The following CDK19 variants were observed in gnomAD, a reference collection of about 807,000 sequenced individuals.
CDK19 encodes the protein cyclin-dependent kinase 19.
In CDK19, 20 loss-of-function variants were observed where a neutral mutation model predicts 68.3. The ratio of observed to expected loss-of-function variants is 0.29; its 90% CI spans 0.21 to 0.43. CDK19 has a LOEUF of 0.43. Among genes scored for constraint, CDK19 ranks in the 20% least tolerant of loss-of-function variants. The pLI, the probability that CDK19 is intolerant of heterozygous loss-of-function variation, is 1.00. For missense variants in CDK19, 339 were observed against 623.5 expected (o/e 0.54, Z 4.86); for synonymous variants, 221 against 222.8 (o/e 0.99, Z 0.07).
chr6:110,791,941 C>G (rs778973868), intron 1 of CDK19, among the ~76,000 whole-genome samples: 27 of 151,402 alleles, frequency 1.8e-4, no homozygotes, highest in Non-Finnish European at 3.2e-4. Flanking sequence ...CCACCAAGCC[C>G]AGCCACCCAG....
chr6:110,729,226 C>T (rs1259735558), intron 2 of CDK19, among the ~76,000 whole-genome samples: 1 of 151,990 alleles, frequency 6.6e-6, no homozygotes, highest in Non-Finnish European at 1.5e-5. Context: ...TGCTTTTTAC[C>T]GTTAACTGAA....
intron 5 of CDK19, 88 bp downstream of exon 5, chr6:110,638,561 A>G: frequency 2.8e-6 from 2 of 716,554 alleles, no homozygotes; most frequent in Non-Finnish European, 5.0e-6. Context: ...TTTAAAATTA[A>G]CTACCTAAAT....
intron 2 of CDK19, among the ~76,000 whole-genome samples, chr6:110,704,144 A>G (rs558147734): frequency 1.3e-5 from 2 of 152,310 alleles, no homozygotes; most frequent in African/African-American, 4.8e-5. Flanking sequence ...CTATTGCCCA[A>G]TCTCCTGTTT....
chr6:110,778,039 G>A (rs1047609830), intron 1 of CDK19, among the ~76,000 whole-genome samples: 3 of 152,150 alleles, frequency 2.0e-5, no homozygotes, highest in African/African-American at 7.2e-5. Flanking sequence ...TAAGATGAAA[G>A]AGGTCTGTGG....
chr6:110,752,347 CCATTT>C (rs1187975651), intron 1 of CDK19, among the ~76,000 whole-genome samples: 1 of 152,166 alleles, frequency 6.6e-6, no homozygotes, highest in East Asian at 1.9e-4. Context: ...AGACATCTTT[CCATTT>C]CATTTATAAA....
At chr6:110,666,316 A>G (rs1351923712) in intron 4 of CDK19, among the ~76,000 whole-genome samples, 1 of 146,608 alleles carries the variant, frequency 6.8e-6, no homozygotes, top group African/African-American at 2.5e-5. Context: ...ATCCCAGTTA[A>G]TTGGGAGACT....
chr6:110,715,760 T>C (rs907578975), intron 2 of CDK19, among the ~76,000 whole-genome samples: 5 of 152,248 alleles, frequency 3.3e-5, no homozygotes, highest in Non-Finnish European at 5.9e-5. Flanking sequence ...GTGCTGGGAT[T>C]ACAGGCGTGA....
intron 4 of CDK19, among the ~76,000 whole-genome samples, chr6:110,666,427 A>AC: frequency 1.2e-5 from 1 of 82,434 alleles, no homozygotes; most frequent in Middle Eastern, 4.9e-3. Context: ...TCTGTCTCAA[A>AC]AAAAAAAAAA....
chr6:110,716,633 G>C (rs940635532), intron 2 of CDK19, among the ~76,000 whole-genome samples: 11 of 152,028 alleles, frequency 7.2e-5, no homozygotes, highest in Non-Finnish European at 1.2e-4. Context: ...ATAGTCCCAG[G>C]CTTTGAAAAA....
chr6:110,652,793 G>T lies in CDK19; in HGVS notation c.457-14087C>A, dbSNP rs143010987. 2.1e-3 allele frequency among the ~76,000 whole-genome samples: 319 copies of T among 152,336 alleles called. 2 individuals are homozygous for T. The highest frequency in any genetic ancestry group is 7.4e-3 in the African/African-American group (308 of 41,584). ...GGAGGAATATCTCTTTTCTAGTACT[G>T]AAGTTAGTAGAGAATACCTTTGATT... On this transcript the variant is annotated intron_variant, in intron 4 of 12. Transcript: ENST00000368911.
Position 110,621,644 on chromosome 6 carries a change from C to T in CDK19, c.1111-274G>A, listed in dbSNP as rs183962316. Among the ~76,000 whole-genome samples the T allele has an allele frequency of 3.9e-5, 6 of 152,316 alleles. No individual in the cohort carries two copies. Among genetic ancestry groups the T allele is most frequent in the Admixed American group, 3.9e-4 (6 of 15,300 alleles). On this transcript the variant is annotated intron_variant, in intron 11 of 12. Coordinates refer to ENST00000368911, the MANE Select transcript of CDK19 (RefSeq NM_015076.5). This position sits in a 1 kb window ranked among gnomAD's most constrained non-coding sequence, Gnocchi z 5.4. ...GTCACAGACATCTCACTGAAGGCCA[C>T]AGGCACATTAGAAATACATTTCTTA...
At chr6:110,795,429 A>G (rs978219357) in intron 1 of CDK19, among the ~76,000 whole-genome samples, 4 of 152,242 alleles carry the variant, frequency 2.6e-5, no homozygotes, top group African/African-American at 9.6e-5. Context: ...TTTAGCTCAG[A>G]TGTAGGAAAA....
At chr6:110,657,904 A>C (rs187093031) in intron 4 of CDK19, among the ~76,000 whole-genome samples, 2 of 152,306 alleles carry the variant, frequency 1.3e-5, no homozygotes, top group African/African-American at 4.8e-5. Flanking sequence ...ACTATGGAAT[A>C]ACTGGTGAAG....
chr6:110,704,251 A>C (rs763411695), intron 2 of CDK19, among the ~76,000 whole-genome samples: 8 of 152,232 alleles, frequency 5.3e-5, no homozygotes, highest in African/African-American at 1.2e-4. Context: ...GTATGAAATC[A>C]AAAGACTTTA....
intron 2 of CDK19, among the ~76,000 whole-genome samples, chr6:110,699,243 G>A (rs1281343498): frequency 6.6e-6 from 1 of 151,768 alleles, no homozygotes; most frequent in Non-Finnish European, 1.5e-5. Flanking sequence ...TCGACAACAT[G>A]GTGAAACCCT....
At chr6:110,735,926 C>G (rs9400411) in intron 2 of CDK19, among the ~76,000 whole-genome samples, 23,476 of 152,140 alleles carry the variant, frequency 0.15, 2,029 homozygotes, top group East Asian at 0.32. Flanking sequence ...TGAGAATGAC[C>G]GGAAAGTTCA....
At chr6:110,746,103 T>C (rs899102161) in intron 2 of CDK19, 23 bp downstream of exon 2, 40 of 1,307,876 alleles carry the variant, frequency 3.1e-5, no homozygotes, top group Non-Finnish European at 3.9e-5. Context: ...ATAAAATAAA[T>C]AACTGTATTT....
intron 2 of CDK19, among the ~76,000 whole-genome samples, chr6:110,728,201 T>G (rs1355320551): frequency 6.6e-6 from 1 of 151,676 alleles, no homozygotes; most frequent in Non-Finnish European, 1.5e-5. Flanking sequence ...GGCAGCAGAA[T>G]TGCTTGAACC....
intron 6 of CDK19, among the ~76,000 whole-genome samples, chr6:110,631,109 T>C (rs1199789544): frequency 1.3e-5 from 2 of 152,204 alleles, no homozygotes; most frequent in Non-Finnish European, 2.9e-5. Context: ...ATTTTATACT[T>C]GCAGTGCCTT....
Sources: gnomAD v4.1 joint callset for allele counts (sites outside exome capture counted in the v4.1 genomes callset) on GRCh38, gnomAD v4.1.1 for gene constraint, Gnocchi (gnomAD v3.1) non-coding constraint, MANE v1.5 for transcripts, NCBI Gene and HGNC (gene_info 2026-07-23, HGNC 2026-07-21) for gene names.